Variants in MUC22 observed in about 807,000 individuals in gnomAD.
The protein encoded by MUC22 is mucin-22.
MUC22 carries 24 observed loss-of-function variants against 40.3 expected under a neutral mutation model. That is an observed-to-expected ratio of 0.60 (90% CI 0.43 to 0.84). The LOEUF (loss-of-function observed/expected upper bound fraction) is 0.84. Among genes scored for constraint, MUC22 ranks in the 40% least tolerant of loss-of-function variants. The pLI is 0.00. For synonymous variants in MUC22, 765 were observed against 844.5 expected (o/e 0.91, Z 1.63); for missense variants, 1,926 against 2,130.7 (o/e 0.90, Z 1.89).
chr6:31,021,717 G>A (rs1024604225), intron 1 of MUC22, among the ~76,000 whole-genome samples: 2 of 152,206 alleles, frequency 1.3e-5, no homozygotes, highest in South Asian at 2.1e-4. Context: ...GTAGCTCAGG[G>A]ATTGTAAACG....
At chr6:31,034,948 G>A (rs1766344821) in exon 4 of MUC22, 5 of 1,533,052 alleles carry the variant, frequency 3.3e-6, no homozygotes, top group Non-Finnish European at 4.4e-6. Flanking sequence ...AGGACACCAT[G>A]GAGTGGATCA....
chr6:31,028,274 C>T (rs1765627168), exon 2 of MUC22: 1 of 1,535,016 alleles, frequency 6.5e-7, no homozygotes. Context: ...ACTACAGTCT[C>T]CATCACAGGC....
chr6:31,022,110 A>G (rs1429200187), intron 1 of MUC22, among the ~76,000 whole-genome samples: 1 of 152,132 alleles, frequency 6.6e-6, no homozygotes, highest in African/African-American at 2.4e-5. Flanking sequence ...CACCAGAAGG[A>G]AGAAACTCCG....
chr6:31,016,132 C>CTTTT (rs28993413), intron 1 of MUC22, among the ~76,000 whole-genome samples: 1 of 139,574 alleles, frequency 7.2e-6, no homozygotes, highest in African/African-American at 2.7e-5. Context: ...GCATCTCTTA[C>CTTTT]TTTTTTTTTT....
intron 1 of MUC22, among the ~76,000 whole-genome samples, chr6:31,016,671 G>A (rs1486618603): frequency 6.6e-6 from 1 of 152,234 alleles, no homozygotes; most frequent in African/African-American, 2.4e-5. Flanking sequence ...AGCCTCCTCG[G>A]CCTCGCCACC....
chr6:31,020,965 G>C (rs1764667655), intron 1 of MUC22, among the ~76,000 whole-genome samples: 1 of 152,232 alleles, frequency 6.6e-6, no homozygotes. Flanking sequence ...CCATGGGGCA[G>C]GGCTGGGGAC....
chr6:31,021,170 A>C (rs1020037309), intron 1 of MUC22, among the ~76,000 whole-genome samples: 17 of 152,240 alleles, frequency 1.1e-4, no homozygotes, highest in Non-Finnish European at 2.9e-5. Context: ...CACTGGGTGA[A>C]GCCAGCTGGG....
chr6:31,030,070 A>G (rs1299738156), exon 2 of MUC22: 6 of 1,533,950 alleles, frequency 3.9e-6, no homozygotes, highest in African/African-American at 1.4e-5. Context: ...TGACGTTTCT[A>G]TCCAGCCCAT....
intron 1 of MUC22, among the ~76,000 whole-genome samples, chr6:31,020,637 T>C (rs1451526257): frequency 6.6e-6 from 1 of 152,086 alleles, no homozygotes; most frequent in Non-Finnish European, 1.5e-5. Flanking sequence ...GAGGAGCCCT[T>C]CAGCCCACCG....
chr6:31,025,425 T>C, intron 1 of MUC22, 77 bp from the exon 2 acceptor site: 8 of 1,378,866 alleles, frequency 5.8e-6, no homozygotes, highest in Non-Finnish European at 7.6e-6. Context: ...ACTGAGTATA[T>C]GTGAAAGTAA....
At chr6:31,014,497 TTA>T (rs1764064645) in intron 1 of MUC22, among the ~76,000 whole-genome samples, 1 of 152,246 alleles carries the variant, frequency 6.6e-6, no homozygotes, top group Admixed American at 6.5e-5. Flanking sequence ...TTGTAAATTC[TTA>T]TCTTTTTTCT....
At chr6:31,018,220 C>T (rs1764395385) in intron 1 of MUC22, among the ~76,000 whole-genome samples, 1 of 152,074 alleles carries the variant, frequency 6.6e-6, no homozygotes. Flanking sequence ...AGAGATAAAA[C>T]CCTAAGCTGT....
Position 31,027,140 on chromosome 6 carries a change from C to A in MUC22, c.1709C>A (p.Thr570Asn), listed in dbSNP as rs767662552. The change falls in exon 2 of 4, where the codon ACT (threonine) becomes AAT (asparagine). Residue 570 changes from threonine to asparagine, a missense_variant. This residue lies in a region of MUC22 where 1,281 missense variants were observed against 1,337.8 expected (regional missense o/e 0.96). Coordinates refer to ENST00000561890, the Ensembl canonical transcript of MUC22. The stretch of plus-strand genomic sequence containing the variant: ...GGCCCTGAGACCACCAAGGTCTCCA[C>A]TGCAAGCTCTGAGGTGACCACAGTC... The A allele has an allele frequency of 5.3e-6, 8 of 1,500,632 alleles. 2 individuals carry two copies. In the South Asian group the frequency reaches 9.8e-5, roughly 18 times the overall value. 93.0% of individuals were successfully genotyped at this position (1,500,632 alleles called of 1,614,324 possible).
intron 1 of MUC22, among the ~76,000 whole-genome samples, chr6:31,016,171 T>C (rs568658072): frequency 2.6e-5 from 4 of 152,150 alleles, no homozygotes; most frequent in Non-Finnish European, 5.9e-5. Context: ...TTCTCTTATA[T>C]TGCTGAGGAC....
At position 31,030,107 on chromosome 6, in the gene MUC22, A is replaced by T; in HGVS notation, c.4669+7A>T. On this transcript the variant is annotated splice_region_variant and intron_variant, in intron 2 of 3. Coordinates refer to ENST00000561890, the Ensembl canonical transcript of MUC22. The stretch of plus-strand genomic sequence containing the variant: ...ACCAACACACCTATGTCAGGTACTA[A>T]CCCCCATGTCTTCTTTGAGCCCACA... The T allele has an allele frequency of 6.6e-7, 1 of 1,507,446 alleles. No homozygotes were observed. Among genetic ancestry groups the T allele is most frequent in the Non-Finnish European group, 8.8e-7 (1 of 1,132,072 alleles). The allele number at this position is 1,507,446 out of a possible 1,614,324, so 93.4% of individuals were successfully genotyped here. A position where few individuals can be genotyped will look rare whatever the true frequency, so the allele number is the denominator to read the frequency against.
In MUC22 at chr6:31,027,014, C is replaced by A. The variant is rs1313872957; in HGVS notation, c.1583C>A (p.Ala528Asp). The stretch of plus-strand genomic sequence containing the variant: ...ACTGAAGATTCTAAGACTACCACAG[C>A]CTCTACTACAGGGTTTGAGACAACC... Residue 528 changes from alanine (A) to aspartate (D), a missense_variant, in exon 2 of 4, where the codon GCC becomes GAC. Physicochemically the swap from Ala to Asp is moderately radical, Grantham distance 126. This residue lies in a region of MUC22 where 1,281 missense variants were observed against 1,337.8 expected (regional missense o/e 0.96). Transcript: ENST00000561890. 6 of 1,492,626 alleles carry A rather than the reference C, an allele frequency of 4.0e-6. 2 individuals are homozygous for A. Among genetic ancestry groups the A allele is most frequent in the South Asian group, 3.7e-5 (3 of 81,460 alleles). The allele number at this position is 1,492,626 out of a possible 1,614,324, so 92.5% of individuals were successfully genotyped here.
chr6:31,026,892 C>A (rs1308420644), exon 2 of MUC22: 2 of 1,496,514 alleles, frequency 1.3e-6, no homozygotes, highest in African/African-American at 1.4e-5. Context: ...CTGAGACCAC[C>A]AAAGTCTCAA....
chr6:31,034,883 GA>G lies in MUC22; in HGVS notation c.5268del (p.Asp1757MetfsTer5). 1 of 1,535,594 alleles carries G rather than the reference GA, an allele frequency of 6.5e-7. No homozygotes were observed. The highest frequency in any genetic ancestry group is 8.7e-7 in the Non-Finnish European group (1 of 1,146,886). The stretch of plus-strand genomic sequence containing the variant: ...GGCCATGGACTGAGCCACATCCATG[GA>G]GATGGCTACGGAGTGAATCATGGCG... On this transcript the variant is annotated frameshift_variant, in exon 4 of 4. Transcript: ENST00000561890. LOFTEE classifies it low-confidence loss of function (END_TRUNC).
chr6:31,026,196 T>A (rs770674815), exon 2 of MUC22: 1 of 1,522,154 alleles, frequency 6.6e-7, no homozygotes, highest in South Asian at 1.2e-5. Context: ...GCATGAGCTC[T>A]GAGACCACTG....
Sources: allele counts gnomAD v4.1 joint callset (sites outside exome capture counted in the v4.1 genomes callset), GRCh38; gene constraint gnomAD v4.1.1; regional missense constraint gnomAD v4.1.1; transcripts MANE v1.5; gene names NCBI Gene and HGNC (gene_info 2026-07-23, HGNC 2026-07-21).